The following ZFYVE26 variants were observed in gnomAD, a reference collection of about 807,000 sequenced individuals.
ZFYVE26 encodes zinc finger FYVE domain-containing protein 26.
In ZFYVE26, 181 loss-of-function variants were observed where a neutral mutation model predicts 276.5. The ratio of observed to expected loss-of-function variants is 0.65; its 90% CI spans 0.58 to 0.74. The LOEUF is 0.74. ZFYVE26 is among the 30% of genes least tolerant of loss of function. The pLI is 0.00. For missense variants in ZFYVE26, 2,821 were observed against 3,097.9 expected, an observed-to-expected ratio of 0.91 and a Z score of 2.12; for synonymous variants, 1,129 against 1,203.1, an observed-to-expected ratio of 0.94 and a Z score of 1.27.
chr14:67,781,188 G>T, intron 22 of ZFYVE26, 145 bp downstream of exon 22: 1 of 894,974 alleles, frequency 1.1e-6, no homozygotes, highest in Non-Finnish European at 1.8e-6. Context: ...CCTCCCTGCT[G>T]TTCACCTAAG....
At chr14:67,763,631 G>C (rs188362718) in intron 32 of ZFYVE26, among the ~76,000 whole-genome samples, 2 of 152,162 alleles carry the variant, frequency 1.3e-5, no homozygotes, top group African/African-American at 4.8e-5. Context: ...GCACAATGAC[G>C]AAATCACCTG....
chr14:67,729,222 A>AGGCACTGCGTCCGCTCTGAGCT lies in ZFYVE26; in HGVS notation n.3276_3277insAGCTCAGAGCGGACGCAGTGCC. The AGGCACTGCGTCCGCTCTGAGCT allele has an allele frequency of 6.2e-7, 1 of 1,612,094 alleles. No homozygotes were observed. Among genetic ancestry groups the AGGCACTGCGTCCGCTCTGAGCT allele is most frequent in the South Asian group, 1.1e-5 (1 of 91,048 alleles). The stretch of plus-strand genomic sequence containing the variant: ...GGGTCACCACCTACGCAGTGCACCC[A>AGGCACTGCGTCCGCTCTGAGCT]GGCGTCGTCCGCTCTGAGCTGGTCC... On this transcript the variant is annotated non_coding_transcript_exon_variant, in exon 14 of 15. Transcript: ENST00000394455.
At chr14:67,799,895 T>C (rs2040044142) in intron 10 of ZFYVE26, among the ~76,000 whole-genome samples, 1 of 152,172 alleles carries the variant, frequency 6.6e-6, no homozygotes, top group Non-Finnish European at 1.5e-5. Context: ...TCCATGGATC[T>C]TCTGTACACA....
intron 8 of ZFYVE26, among the ~76,000 whole-genome samples, chr14:67,804,527 C>T (rs149701270): frequency 4.9e-4 from 74 of 152,280 alleles, no homozygotes; most frequent in Admixed American, 2.4e-3. Context: ...AAAGGTCCTA[C>T]AGACTGAATT....
chr14:67,767,970 T>A, intron 30 of ZFYVE26, 130 bp from the exon 31 acceptor site: 1 of 1,311,350 alleles, frequency 7.6e-7, no homozygotes, highest in Non-Finnish European at 1.1e-6. Flanking sequence ...CTCTCCTTGG[T>A]TCCTTTTGTT....
rs12323569 is a variant in ZFYVE26, at chr14:67,771,964, C to T, written c.5484+83G>A. Reference sequence around the variant, plus strand: ...ATACCGATATTCTCCTGGGGACAGGCGGTGATTGTAAACTCAGGCTCATGA... The same window carrying T: ...ATACCGATATTCTCCTGGGGACAGGTGGTGATTGTAAACTCAGGCTCATGA... On this transcript the variant is annotated intron_variant, in intron 28 of 41. Transcript: ENST00000347230. 2.5e-3 allele frequency: 3,842 copies of T among 1,526,708 alleles called. 68 individuals carry two copies. The African/African-American group carries it at 0.041, about 16-fold the overall frequency. The allele number at this position is 1,526,708 out of a possible 1,614,324, so 94.6% of individuals were successfully genotyped here.
rs1233098212 is a variant in ZFYVE26, at chr14:67,815,624, G to A, written c.194+146C>T. 1.6e-5 allele frequency: 13 copies of A among 797,956 alleles called. No homozygotes were observed. In the Admixed American group the frequency reaches 2.4e-4, roughly 15 times the overall value. 49.4% of individuals were successfully genotyped at this position (797,956 alleles called of 1,614,324 possible). Reference sequence around the variant, plus strand: ...CTAAGTAATGGATGTATACTATAGAGGTAAAATTTCAGAGCACGTGAAATA... The same window carrying A: ...CTAAGTAATGGATGTATACTATAGAAGTAAAATTTCAGAGCACGTGAAATA... On this transcript the variant is annotated intron_variant, in intron 2 of 41. Coordinates refer to ENST00000347230, the MANE Select transcript of ZFYVE26 (RefSeq NM_015346.4).
chr14:67,810,473 A>G (rs1218708665), intron 3 of ZFYVE26, among the ~76,000 whole-genome samples: 1 of 152,256 alleles, frequency 6.6e-6, no homozygotes, highest in Non-Finnish European at 1.5e-5. Flanking sequence ...CAAATCAAAC[A>G]AAACTGTGGC....
intron 12 of ZFYVE26, chr14:67,796,197 T>G (rs1647575881): frequency 6.7e-6 from 1 of 149,288 alleles, no homozygotes; most frequent in South Asian, 2.1e-4. Flanking sequence ...CTATTATATA[T>G]TCTCAAAAAG....
At chr14:67,730,103 G>A (rs1218600082) in intron 13 of ZFYVE26, among the ~76,000 whole-genome samples, 1 of 152,236 alleles carries the variant, frequency 6.6e-6, no homozygotes, top group East Asian at 1.9e-4. Flanking sequence ...TTGGTACTCA[G>A]TTCTGAGTGT....
At position 67,748,647 on chromosome 14, in the gene ZFYVE26, T is replaced by A. The variant is rs372540351; in HGVS notation, c.7417-8A>T. ...TATCAGGTAGGCCCGAACCTGGCAGTCAGTTATAAGAGACAGCGGAAAGGC... is the reference window on the plus strand; with the variant it reads ...TATCAGGTAGGCCCGAACCTGGCAGACAGTTATAAGAGACAGCGGAAAGGC... On this transcript the variant is annotated splice_polypyrimidine_tract_variant and splice_region_variant and intron_variant, in intron 41 of 41. Coordinates refer to ENST00000347230, the MANE Select transcript of ZFYVE26 (RefSeq NM_015346.4). 52 of 1,613,534 alleles carry A rather than the reference T, an allele frequency of 3.2e-5. No individual in the cohort carries two copies. The highest frequency in any genetic ancestry group is 4.3e-5 in the Non-Finnish European group (51 of 1,180,014).
rs2038717989 is a variant in ZFYVE26, at chr14:67,754,160, A to G, written c.7039T>C (p.Cys2347Arg). 1 of 1,614,134 alleles carries G rather than the reference A, an allele frequency of 6.2e-7. No individual in the cohort carries two copies. The highest frequency in any genetic ancestry group is 8.5e-7 in the Non-Finnish European group (1 of 1,180,052). ...ATTTGAGAGGTCCCAGCACTTTCGC[A>G]CCGATGCAAGAACCTGGTCACTTCC... ...QMEVTRFLHR[C>R]ESAGTSQITT... The change falls in exon 38 of 42, where the codon TGC (cysteine) becomes CGC (arginine). Residue 2347 changes from cysteine to arginine, a missense_variant. Physicochemically the swap from Cys to Arg is radical, Grantham distance 180. Coordinates refer to ENST00000347230, the MANE Select transcript of ZFYVE26 (RefSeq NM_015346.4).
chr14:67,751,527 T>C (rs1307052928), intron 40 of ZFYVE26: 3 of 258,346 alleles, frequency 1.2e-5, no homozygotes, highest in East Asian at 2.0e-4. Flanking sequence ...ATTACAGACA[T>C]GTGCCACCAC....
intron 23 of ZFYVE26, among the ~76,000 whole-genome samples, chr14:67,778,913 G>A (rs1254758873): frequency 6.6e-6 from 1 of 152,134 alleles, no homozygotes; most frequent in African/African-American, 2.4e-5. Flanking sequence ...CACAATCTGA[G>A]CTTACTTCTG....
Position 67,785,952 on chromosome 14 carries a change from G to A in ZFYVE26, c.3210C>T (p.Pro1070=), listed in dbSNP as rs7156492. 2,171 of 1,614,144 alleles carry A rather than the reference G, an allele frequency of 1.3e-3. 27 individuals are homozygous for A. The Admixed American group carries it at 0.02, about 15-fold the overall frequency. ...TGGCAACACAGTCCTCGCTTAGGCT[G>A]GGCCAGCACATCTGAAGCAGTTCAG... ...SITELLQMCW[P]SLSEDCVASH... The change falls in exon 18 of 42, where the codon CCC becomes CCT. Residue 1070 remains proline (P), a synonymous_variant. Transcript: ENST00000347230.
At chr14:67,799,682 A>T in intron 10 of ZFYVE26, 2 of 1,103,256 alleles carry the variant, frequency 1.8e-6, no homozygotes, top group Non-Finnish European at 2.7e-6. Flanking sequence ...CAAGATTTGA[A>T]GGCAAAAGTC....
intron 16 of ZFYVE26, among the ~76,000 whole-genome samples, chr14:67,786,875 C>T (rs2039673096): frequency 1.3e-5 from 2 of 152,124 alleles, no homozygotes; most frequent in African/African-American, 4.8e-5. Context: ...GAATGAGATC[C>T]AATCATTAGC....
intron 39 of ZFYVE26, among the ~76,000 whole-genome samples, chr14:67,753,145 C>T (rs567371027): frequency 6.6e-6 from 1 of 152,204 alleles, no homozygotes; most frequent in Admixed American, 6.5e-5. Flanking sequence ...GCATAAATAC[C>T]CTGCCTGCCC....
At chr14:67,768,910 C>T (rs1044270612) in intron 29 of ZFYVE26, among the ~76,000 whole-genome samples, 16 of 152,300 alleles carry the variant, frequency 1.1e-4, no homozygotes, top group African/African-American at 3.4e-4. Context: ...AATAGAAAAT[C>T]TATTTAAGTT....
Sources: allele counts gnomAD v4.1 joint callset (sites outside exome capture counted in the v4.1 genomes callset), GRCh38; gene constraint gnomAD v4.1.1; transcripts MANE v1.5; gene names NCBI Gene and HGNC (gene_info 2026-07-23, HGNC 2026-07-21).